DNAJA4: variants seen among roughly 807,000 people sequenced by gnomAD.
DNAJA4 encodes the protein DnaJ heat shock protein family (Hsp40) member A4.
DNAJA4 carries 32 observed loss-of-function variants against 39.7 expected under a neutral mutation model. The observed-to-expected ratio is 0.81, with a 90% CI of 0.61 to 1.08. The LOEUF (loss-of-function observed/expected upper bound fraction) is 1.08. Among genes scored for constraint, DNAJA4 ranks in the 50% least tolerant of loss-of-function variants. The probability of loss-of-function intolerance (pLI) is 0.00; values close to 1 mark genes in which losing one functional copy is unlikely to be tolerated. For synonymous variants in DNAJA4, 184 were observed against 182.4 expected (o/e 1.01, Z -0.07); for missense variants, 439 against 505.1 (o/e 0.87, Z 1.25).
At chr15:78,274,802 G>A (rs2049403030) in intron 4 of DNAJA4, 1 of 292,724 alleles carries the variant, frequency 3.4e-6, no homozygotes, top group Non-Finnish European at 6.6e-6. Context: ...TTGGCCATAA[G>A]GGCTTGTGTA....
At chr15:78,266,151 T>A in intron 1 of DNAJA4, 1 of 1,394,384 alleles carries the variant, frequency 7.2e-7, no homozygotes, top group Non-Finnish European at 1.0e-6. Context: ...ATCCACCTGC[T>A]CCCTACATTC....
Position 78,264,805 on chromosome 15 carries a change from G to A in DNAJA4, c.42G>A (p.Lys14=), listed in dbSNP as rs757421696. Residue 14 remains lysine, a synonymous_variant, in exon 1 of 7, where the codon AAG becomes AAA. Coordinates refer to ENST00000394852, the MANE Select transcript of DNAJA4 (RefSeq NM_001130182.2). ...AGTACTATGACATCCTGGGCGTGAAGCCCAGCGCGTCCCCGGAGGAGATCA... is the reference window on the plus strand; with the variant it reads ...AGTACTATGACATCCTGGGCGTGAAACCCAGCGCGTCCCCGGAGGAGATCA... ...ETQYYDILGV[K]PSASPEEIKK... 3 of 1,610,336 alleles carry A rather than the reference G, an allele frequency of 1.9e-6. No homozygotes were observed. Among genetic ancestry groups the A allele is most frequent in the Non-Finnish European group, 2.5e-6 (3 of 1,178,172 alleles).
chr15:78,266,582 A>C (rs143367048), intron 1 of DNAJA4, among the ~76,000 whole-genome samples: 81 of 152,266 alleles, frequency 5.3e-4, no homozygotes, highest in African/African-American at 1.9e-3. Context: ...TCCTTCCTCT[A>C]CCTTCATGGA....
At chr15:78,275,257 T>G in intron 4 of DNAJA4, 2 of 515,938 alleles carry the variant, frequency 3.9e-6, no homozygotes, top group Non-Finnish European at 7.0e-6. Flanking sequence ...AAACCTGGGA[T>G]GTAGAGCCGC....
Position 78,275,668 on chromosome 15 carries a change from G to A in DNAJA4, c.817G>A (p.Gly273Ser). The A allele has an allele frequency of 6.2e-7, 1 of 1,613,998 alleles. No homozygotes were observed. The highest frequency in any genetic ancestry group is 8.5e-7 in the Non-Finnish European group (1 of 1,179,968). ...AATTCAGCTTTCTGAAGCTCTTTGT[G>A]GCTTCAAGAAGACGATAAAAACATT... is the stretch of plus-strand genomic sequence containing the variant. ...MKIQLSEALC[G>S]FKKTIKTLDN... The change falls in exon 5 of 7, where the codon GGC becomes AGC. Residue 273 changes from glycine to serine, a missense_variant. Transcript: ENST00000394852.
In DNAJA4 at chr15:78,267,979, G is replaced by A. The variant is rs377571420; in HGVS notation, c.133-2518G>A. Among the ~76,000 whole-genome samples the A allele has an allele frequency of 3.7e-4, 57 of 152,256 alleles. 2 individuals are homozygous for A. In the South Asian group the frequency reaches 0.011, roughly 30 times the overall value. ...CACTGGGAGAAGGGGGTCCGGGCCG[G>A]GAGCTGAATTAGACTTTGGAGTGCT... On this transcript the variant is annotated intron_variant, in intron 1 of 6. Coordinates refer to ENST00000394852, the MANE Select transcript of DNAJA4 (RefSeq NM_001130182.2).
chr15:78,267,062 TCATTCAAC>T (rs1431787946), intron 1 of DNAJA4, among the ~76,000 whole-genome samples: 2 of 152,136 alleles, frequency 1.3e-5, no homozygotes, highest in African/African-American at 4.8e-5. Context: ...ATTCATTCAT[TCATTCAAC>T]AAATACCTCC....
intron 1 of DNAJA4, among the ~76,000 whole-genome samples, chr15:78,266,927 A>G (rs1243480383): frequency 2.0e-5 from 3 of 152,078 alleles, no homozygotes; most frequent in Non-Finnish European, 4.4e-5. Flanking sequence ...TGGAAGGGAA[A>G]TTGCAGTGAA....
At chr15:78,264,233 G>C, upstream of DNAJA4, 3 of 1,069,796 alleles carry the variant, frequency 2.8e-6, no homozygotes, top group Non-Finnish European at 3.7e-6. Flanking sequence ...CCCACGGAAG[G>C]GCAAGGGGGC....
At position 78,280,213 on chromosome 15, in the gene DNAJA4, G is replaced by T. The variant is rs2049615398; in HGVS notation, c.979-32G>T. ...GCCTTAATTGGAAGGGGAAAAAACA[G>T]CCACCTTTCTTTCCCACCTCACCCT... On this transcript the variant is annotated intron_variant, in intron 6 of 6. Coordinates refer to ENST00000394852, the MANE Select transcript of DNAJA4 (RefSeq NM_001130182.2). 2.5e-6 allele frequency: 4 copies of T among 1,611,314 alleles called. No homozygotes were observed. In the East Asian group the frequency reaches 8.9e-5, roughly 36 times the overall value.
chr15:78,264,335 A>T, upstream of DNAJA4: 1 of 1,440,864 alleles, frequency 6.9e-7, no homozygotes, highest in Non-Finnish European at 9.1e-7. Flanking sequence ...CGGCAGTCAG[A>T]GCTGGAGCTC....
chr15:78,265,005 C>A lies in DNAJA4; in HGVS notation c.132+110C>A. 4 of 1,278,490 alleles carry A rather than the reference C, an allele frequency of 3.1e-6. No individual in the cohort carries two copies. The South Asian group carries it at 4.7e-5, about 15-fold the overall frequency. 79.2% of individuals were successfully genotyped at this position (1,278,490 alleles called of 1,614,324 possible). A position where few individuals can be genotyped will look rare whatever the true frequency, so the allele number is the denominator to read the frequency against. On this transcript the variant is annotated intron_variant, in intron 1 of 6. Transcript: ENST00000394852. The stretch of plus-strand genomic sequence containing the variant: ...GAGCCGCGTTTGTTGGGGAGGCTGT[C>A]GCCAGGCGCCTCGGGGCCAGGCCGG...
chr15:78,264,327 G>C (rs755175380), upstream of DNAJA4: 2 of 1,418,862 alleles, frequency 1.4e-6, no homozygotes. Flanking sequence ...GCCCGGGGCG[G>C]CAGTCAGAGC....
At position 78,279,996 on chromosome 15, in the gene DNAJA4, T is replaced by TGC. The variant is rs777330991; in HGVS notation, c.878-48_878-47dup. The TGC allele has an allele frequency of 3.2e-5, 51 of 1,575,340 alleles. No individual in the cohort carries two copies. In the Admixed American group the frequency reaches 8.4e-4, roughly 26 times the overall value. ...CTCTCCCATGAGGGAGAACGACCTC[T>TGC]GCAGGCCCCTCTGCCTTCCTCCTTC... On this transcript the variant is annotated intron_variant, in intron 5 of 6. Coordinates refer to ENST00000394852, the MANE Select transcript of DNAJA4 (RefSeq NM_001130182.2). This position sits in a 1 kb window ranked among gnomAD's most constrained non-coding sequence, Gnocchi z 4.5.
At chr15:78,275,127 G>T (rs558017956) in intron 4 of DNAJA4, 2 of 228,776 alleles carry the variant, frequency 8.7e-6, no homozygotes, top group Non-Finnish European at 1.7e-5. Context: ...ATTAGAAAAG[G>T]ACAGGGCTGG....
At chr15:78,264,531 TA>T (rs1472603395), upstream of DNAJA4, 1 of 1,211,418 alleles carries the variant, frequency 8.3e-7, no homozygotes, top group Non-Finnish European at 1.0e-6. Context: ...CGGCGCCGAA[TA>T]AAACCCGCCG....
intron 1 of DNAJA4, among the ~76,000 whole-genome samples, chr15:78,267,296 C>T (rs2049166161): frequency 6.6e-6 from 1 of 151,996 alleles, no homozygotes; most frequent in South Asian, 2.1e-4. Flanking sequence ...GTATTATTAA[C>T]GTCTCTTCAA....
At position 78,281,473 on chromosome 15, in the gene DNAJA4, T is replaced by C. The variant is rs1333132677; in HGVS notation, c.*1013T>C. ...TCGTTCCTCTCATTGCACAGCCATA[T>C]TACAAAGGGTTTCCTGCTCAAGTGA... On this transcript the variant is annotated 3_prime_UTR_variant, in exon 7 of 7. Coordinates refer to ENST00000394852, the MANE Select transcript of DNAJA4 (RefSeq NM_001130182.2). 6.6e-6 allele frequency: 1 copy of C among 152,244 alleles called. No individual in the cohort carries two copies. Among genetic ancestry groups the C allele is most frequent in the Non-Finnish European group, 1.5e-5 (1 of 68,052 alleles). The allele number at this position is 152,244 out of a possible 1,614,324, so 9.4% of individuals were successfully genotyped here. A position where few individuals can be genotyped will look rare whatever the true frequency, so the allele number is the denominator to read the frequency against.
intron 5 of DNAJA4, among the ~76,000 whole-genome samples, chr15:78,276,038 T>A (rs891787574): frequency 6.6e-6 from 1 of 152,220 alleles, no homozygotes; most frequent in Admixed American, 6.5e-5. Context: ...TCTGGATAAT[T>A]TATAAAGTTC....
Sources: allele counts gnomAD v4.1 joint callset (sites outside exome capture counted in the v4.1 genomes callset), GRCh38; gene constraint gnomAD v4.1.1; non-coding constraint Gnocchi (gnomAD v3.1); transcripts MANE v1.5; gene names NCBI Gene and HGNC (gene_info 2026-07-23, HGNC 2026-07-21).